The following TRPM7 variants were observed in gnomAD, a reference collection of about 807,000 sequenced individuals.
TRPM7 encodes LTRPC ion channel family member 7.
TRPM7 carries 134 observed loss-of-function variants against 229.7 expected under a neutral mutation model. That is an observed-to-expected ratio of 0.58 (90% CI 0.51 to 0.67). The LOEUF (loss-of-function observed/expected upper bound fraction) is 0.67, where lower values mean the gene tolerates loss of function less well. Among genes scored for constraint, TRPM7 ranks in the 30% least tolerant of loss-of-function variants. The probability of loss-of-function intolerance (pLI) is 0.00; values close to 1 mark genes in which losing one functional copy is unlikely to be tolerated. For missense variants in TRPM7, 1,901 were observed against 2,210.0 expected, an observed-to-expected ratio of 0.86 and a Z score of 2.80; for synonymous variants, 699 against 715.2, an observed-to-expected ratio of 0.98 and a Z score of 0.36.
At chr15:50,620,759 C>T (rs904724998) in intron 12 of TRPM7, among the ~76,000 whole-genome samples, 7 of 152,022 alleles carry the variant, frequency 4.6e-5, no homozygotes, top group Non-Finnish European at 8.8e-5. Flanking sequence ...GCAGAAACCC[C>T]GTCTCTACTA....
intron 1 of TRPM7, among the ~76,000 whole-genome samples, chr15:50,669,139 A>C (rs1422836688): frequency 6.6e-6 from 1 of 152,124 alleles, no homozygotes; most frequent in African/African-American, 2.4e-5. Flanking sequence ...CCCACAGCTG[A>C]GGTCAGGCGC....
chr15:50,606,522 A>G (rs2059923736), intron 20 of TRPM7, among the ~76,000 whole-genome samples: 2 of 152,172 alleles, frequency 1.3e-5, no homozygotes, highest in Admixed American at 1.3e-4. Flanking sequence ...ATTTTGAGAT[A>G]GAGTATCACT....
chr15:50,686,651 A>G lies in TRPM7; in HGVS notation c.-118T>C, dbSNP rs891223078. On this transcript the variant is annotated 5_prime_UTR_variant, in exon 1 of 39. Coordinates refer to ENST00000646667, the MANE Select transcript of TRPM7 (RefSeq NM_017672.6). ...GGCAGCAGAGGCCGCCGGACAAGGAACGCCCAGGGAAACCTTCTCAGAACT... is the reference window on the plus strand; with the variant it reads ...GGCAGCAGAGGCCGCCGGACAAGGAGCGCCCAGGGAAACCTTCTCAGAACT... The G allele has an allele frequency of 4.2e-6, 6 of 1,424,522 alleles. 1 individual carries two copies. The Admixed American group carries it at 7.2e-5, about 17-fold the overall frequency. The allele number at this position is 1,424,522 out of a possible 1,614,324, so 88.2% of individuals were successfully genotyped here. A position where few individuals can be genotyped will look rare whatever the true frequency, so the allele number is the denominator to read the frequency against.
intron 1 of TRPM7, among the ~76,000 whole-genome samples, chr15:50,684,555 C>T (rs10083617): frequency 0.015 from 2,227 of 151,994 alleles, 61 homozygotes; most frequent in African/African-American, 0.051. Flanking sequence ...GCAGGAGAAT[C>T]ACTTGAACCC....
chr15:50,575,841 A>C, intron 32 of TRPM7, 28 bp downstream of exon 32: 1 of 1,611,578 alleles, frequency 6.2e-7, no homozygotes, highest in East Asian at 2.2e-5. Flanking sequence ...CCAAAATGCT[A>C]TTAAATTTTG....
chr15:50,638,134 C>T (rs1001549722), intron 6 of TRPM7, among the ~76,000 whole-genome samples: 14 of 151,414 alleles, frequency 9.2e-5, no homozygotes, highest in South Asian at 4.2e-4. Context: ...CCGAGGCGGG[C>T]GGATCATGAG....
At chr15:50,563,727 C>T (rs28723479) in intron 38 of TRPM7, among the ~76,000 whole-genome samples, 12,247 of 152,198 alleles carry the variant, frequency 0.08, 811 homozygotes, top group African/African-American at 0.18. Flanking sequence ...CAAGCCTGCC[C>T]GACCCTCGGC....
intron 1 of TRPM7, among the ~76,000 whole-genome samples, chr15:50,665,392 C>G (rs1006485512): frequency 6.6e-5 from 8 of 120,450 alleles, no homozygotes; most frequent in African/African-American, 2.1e-4. Flanking sequence ...AAAACTCTGT[C>G]TAAAAAAAAA....
intron 21 of TRPM7, among the ~76,000 whole-genome samples, chr15:50,600,302 C>T (rs770127467): frequency 3.3e-5 from 5 of 151,810 alleles, no homozygotes; most frequent in African/African-American, 4.8e-5. Context: ...CCGGGCGTGG[C>T]GGCACACTCC....
chr15:50,668,991 C>T (rs542308654), intron 1 of TRPM7, among the ~76,000 whole-genome samples: 5 of 152,300 alleles, frequency 3.3e-5, no homozygotes, highest in East Asian at 1.9e-4. Context: ...ATCTTGTCTA[C>T]GCAGTCCCTG....
intron 23 of TRPM7, 24 bp downstream of exon 23, chr15:50,596,231 C>A: frequency 1.4e-6 from 2 of 1,427,436 alleles, no homozygotes; most frequent in Non-Finnish European, 1.9e-6. Context: ...CATCTTATAA[C>A]AAACAATTGA....
chr15:50,597,018 G>T (rs1353805945), intron 22 of TRPM7, among the ~76,000 whole-genome samples: 1 of 152,176 alleles, frequency 6.6e-6, no homozygotes, highest in Admixed American at 6.5e-5. Flanking sequence ...AAAGTGCTGG[G>T]ATTATACGCA....
At chr15:50,648,945 G>C (rs1258762665) in intron 3 of TRPM7, 60 bp from the exon 4 acceptor site, 3 of 1,367,158 alleles carry the variant, frequency 2.2e-6, no homozygotes, top group Non-Finnish European at 9.9e-7. Flanking sequence ...TGAAAAAATG[G>C]AATTAAAAGT....
At chr15:50,638,591 G>T (rs1348120178) in intron 6 of TRPM7, among the ~76,000 whole-genome samples, 2 of 151,820 alleles carry the variant, frequency 1.3e-5, no homozygotes, top group Non-Finnish European at 1.5e-5. Flanking sequence ...ATGTAATATT[G>T]CTATTTTTCC....
At chr15:50,594,996 G>A (rs1346238172) in intron 23 of TRPM7, among the ~76,000 whole-genome samples, 1 of 152,038 alleles carries the variant, frequency 6.6e-6, no homozygotes, top group African/African-American at 2.4e-5. Context: ...TTGAGGCCTG[G>A]AGTTCAAGAC....
chr15:50,593,099 G>A (rs2059546863), intron 25 of TRPM7, among the ~76,000 whole-genome samples: 1 of 151,998 alleles, frequency 6.6e-6, no homozygotes, highest in Non-Finnish European at 1.5e-5. Flanking sequence ...GACCAGCTTG[G>A]CCAACATGTT....
chr15:50,637,660 G>T, intron 6 of TRPM7, 67 bp from the exon 7 acceptor site: 1 of 1,346,956 alleles, frequency 7.4e-7, no homozygotes, highest in Non-Finnish European at 1.0e-6. Context: ...AATAAATTTT[G>T]AAATAATCCG....
chr15:50,573,659 T>G (rs1277203185), intron 36 of TRPM7, among the ~76,000 whole-genome samples: 1 of 152,250 alleles, frequency 6.6e-6, no homozygotes, highest in African/African-American at 2.4e-5. Context: ...ATTTGTTATT[T>G]TTAAAGAAAC....
intron 1 of TRPM7, among the ~76,000 whole-genome samples, chr15:50,683,416 C>A (rs1262687146): frequency 1.3e-5 from 2 of 151,774 alleles, no homozygotes; most frequent in Non-Finnish European, 2.9e-5. Flanking sequence ...CAACACGAAT[C>A]CACTGGTCAA....
Sources: allele counts gnomAD v4.1 joint callset (sites outside exome capture counted in the v4.1 genomes callset), GRCh38; gene constraint gnomAD v4.1.1; transcripts MANE v1.5; gene names NCBI Gene and HGNC (gene_info 2026-07-23, HGNC 2026-07-21).